Variants in SEPTIN7 observed in about 807,000 individuals in gnomAD.
SEPTIN7 encodes the protein septin-7.
Under a neutral mutation model 63.3 loss-of-function variants are expected in SEPTIN7, and 10 were observed. That is an observed-to-expected ratio of 0.16 (90% CI 0.10 to 0.27). The LOEUF is 0.27. Among genes scored for constraint, SEPTIN7 ranks in the 10% least tolerant of loss-of-function variants. The pLI is 1.00. For synonymous variants in SEPTIN7, 131 were observed against 165.3 expected, an observed-to-expected ratio of 0.79 and a Z score of 1.59; for missense variants, 310 against 521.0, an observed-to-expected ratio of 0.59 and a Z score of 3.94.
chr7:35,896,468 C>G, intron 11 of SEPTIN7, among the ~76,000 whole-genome samples: 1 of 152,092 alleles, frequency 6.6e-6, no homozygotes, highest in Non-Finnish European at 1.5e-5. Flanking sequence ...TGGACCCTTT[C>G]ACCGGAAGAA....
chr7:35,825,380 C>T (rs563390015), intron 1 of SEPTIN7, among the ~76,000 whole-genome samples: 34 of 152,224 alleles, frequency 2.2e-4, no homozygotes, highest in South Asian at 4.1e-4. Flanking sequence ...AGGAACCATA[C>T]GCTCTTCTTG....
At chr7:35,806,797 TA>T (rs1788371474) in intron 1 of SEPTIN7, among the ~76,000 whole-genome samples, 1 of 152,232 alleles carries the variant, frequency 6.6e-6, no homozygotes, top group Admixed American at 6.5e-5. Flanking sequence ...GGTAACTTTC[TA>T]AAGTCTCCCC....
chr7:35,900,817 A>G (rs116355720), intron 12 of SEPTIN7: 2 of 152,164 alleles, frequency 1.3e-5, no homozygotes, highest in Non-Finnish European at 2.9e-5. Flanking sequence ...TCTTTGAAGG[A>G]TGGAATGTTA....
intron 1 of SEPTIN7, among the ~76,000 whole-genome samples, chr7:35,823,793 GTC>G (rs924231499): frequency 1.3e-5 from 2 of 152,020 alleles, no homozygotes; most frequent in Admixed American, 6.6e-5. Context: ...CGTATTCCTA[GTC>G]TCTCTCTCTA....
chr7:35,862,482 A>G (rs1407258024), intron 3 of SEPTIN7, among the ~76,000 whole-genome samples: 2 of 152,112 alleles, frequency 1.3e-5, no homozygotes, highest in Non-Finnish European at 2.9e-5. Flanking sequence ...TTTTATTCTA[A>G]TCTTTCTGCT....
At chr7:35,840,997 A>C (rs1387814962) in intron 3 of SEPTIN7, among the ~76,000 whole-genome samples, 1 of 152,194 alleles carries the variant, frequency 6.6e-6, no homozygotes, top group Non-Finnish European at 1.5e-5. Context: ...TAATGGCTTA[A>C]ATCCAGTGTC....
intron 13 of SEPTIN7, among the ~76,000 whole-genome samples, chr7:35,903,620 C>T (rs529365481): frequency 4.6e-5 from 7 of 152,182 alleles, no homozygotes; most frequent in South Asian, 4.1e-4. Flanking sequence ...TATGTTTTTA[C>T]GATAAAATTC....
At chr7:35,877,647 A>G (rs879535953) in intron 6 of SEPTIN7, among the ~76,000 whole-genome samples, 14 of 152,202 alleles carry the variant, frequency 9.2e-5, no homozygotes, top group African/African-American at 1.2e-4. Context: ...GAAACATTCA[A>G]TTTTAGTCCA....
At chr7:35,838,292 CCTTCCT>C (rs2115937520) in intron 3 of SEPTIN7, among the ~76,000 whole-genome samples, 2 of 13,708 alleles carry the variant, frequency 1.5e-4, no homozygotes, top group African/African-American at 5.0e-4. Flanking sequence ...TTCCTTCCTT[CCTTCCT>C]TCCTTCCCTC....
chr7:35,812,608 G>A (rs774679996), intron 1 of SEPTIN7, among the ~76,000 whole-genome samples: 76 of 152,162 alleles, frequency 5.0e-4, no homozygotes, highest in Non-Finnish European at 5.7e-4. Flanking sequence ...TTTAATTGAA[G>A]GATGTGTATT....
chr7:35,818,695 G>T (rs528850910), intron 1 of SEPTIN7, among the ~76,000 whole-genome samples: 2 of 151,884 alleles, frequency 1.3e-5, no homozygotes, highest in African/African-American at 4.8e-5. Flanking sequence ...GTCAGTTTTG[G>T]TAGTTTATGT....
At chr7:35,858,313 T>C (rs1026096450) in intron 3 of SEPTIN7, among the ~76,000 whole-genome samples, 2 of 152,126 alleles carry the variant, frequency 1.3e-5, no homozygotes, top group Non-Finnish European at 2.9e-5. Flanking sequence ...TTATGGTTTG[T>C]CAGTTTTGTT....
intron 3 of SEPTIN7, among the ~76,000 whole-genome samples, chr7:35,845,915 G>A (rs1232403267): frequency 6.6e-6 from 1 of 151,686 alleles, no homozygotes; most frequent in African/African-American, 2.4e-5. Flanking sequence ...GAATCAACAT[G>A]AATTATATAT....
At chr7:35,856,661 C>G (rs972177006) in intron 3 of SEPTIN7, among the ~76,000 whole-genome samples, 1 of 152,128 alleles carries the variant, frequency 6.6e-6, no homozygotes, top group Admixed American at 6.5e-5. Context: ...GCCTCCTTAC[C>G]CTGAATGAGA....
intron 11 of SEPTIN7, among the ~76,000 whole-genome samples, chr7:35,891,137 G>C (rs1787613665): frequency 1.3e-5 from 2 of 152,172 alleles, no homozygotes; most frequent in South Asian, 4.1e-4. Flanking sequence ...AGTGGTGTAA[G>C]TGACTACCAA....
At chr7:35,829,160 G>T (rs1183215595) in intron 1 of SEPTIN7, among the ~76,000 whole-genome samples, 2 of 85,422 alleles carry the variant, frequency 2.3e-5, no homozygotes, top group African/African-American at 8.6e-5. Flanking sequence ...TTTGGAGACG[G>T]AGTCTCGCTC....
downstream of SEPTIN7, among the ~76,000 whole-genome samples, chr7:35,910,244 G>A (rs1265709396): frequency 6.6e-6 from 1 of 152,202 alleles, no homozygotes; most frequent in Admixed American, 6.5e-5. Context: ...AATGCATGAA[G>A]GAGCTGTACA....
chr7:35,888,939 T>C (rs1787461668), intron 10 of SEPTIN7: 2 of 298,158 alleles, frequency 6.7e-6, no homozygotes, highest in Admixed American at 8.0e-5. Context: ...AAAGTGTTTA[T>C]CATATCTCAG....
At chr7:35,801,397 G>C (rs1366378871) in intron 1 of SEPTIN7, 127 bp downstream of exon 1, 10 of 1,231,196 alleles carry the variant, frequency 8.1e-6, no homozygotes, top group East Asian at 3.2e-5. Context: ...GGGGAGCCGG[G>C]ATGGGGGCCA....
Sources: gnomAD v4.1 joint callset for allele counts (sites outside exome capture counted in the v4.1 genomes callset) on GRCh38, gnomAD v4.1.1 for gene constraint, MANE v1.5 for transcripts, NCBI Gene and HGNC (gene_info 2026-07-23, HGNC 2026-07-21) for gene names.